Variants in CA6 observed in about 807,000 individuals in gnomAD.
The protein encoded by CA6 is carbonate dehydratase VI.
CA6 carries 28 observed loss-of-function variants against 35.9 expected under a neutral mutation model. The ratio of observed to expected loss-of-function variants is 0.78; its 90% CI spans 0.58 to 1.07. CA6 has a LOEUF of 1.07. CA6 is among the 50% of genes least tolerant of loss of function. The probability of loss-of-function intolerance (pLI) is 0.00; values close to 1 mark genes in which losing one functional copy is unlikely to be tolerated. For missense variants in CA6, 377 were observed against 382.0 expected, an observed-to-expected ratio of 0.99 and a Z score of 0.11; for synonymous variants, 148 against 152.6, an observed-to-expected ratio of 0.97 and a Z score of 0.22.
chr1:8,954,905 T>G (rs1281552790), intron 2 of CA6, among the ~76,000 whole-genome samples: 1 of 152,180 alleles, frequency 6.6e-6, no homozygotes, highest in Non-Finnish European at 1.5e-5. Flanking sequence ...TTAAATTAGA[T>G]TCAACATTTC....
chr1:8,959,713 C>T (rs982283824), intron 4 of CA6, among the ~76,000 whole-genome samples: 2 of 151,858 alleles, frequency 1.3e-5, no homozygotes, highest in African/African-American at 4.8e-5. Flanking sequence ...GGATGGATCA[C>T]TTGGGGTCAG....
chr1:8,956,644 G>A (rs1020233851), intron 2 of CA6, among the ~76,000 whole-genome samples: 1 of 152,120 alleles, frequency 6.6e-6, no homozygotes, highest in African/African-American at 2.4e-5. Context: ...CTGCACTCCA[G>A]CCTGAGCAAC....
intron 2 of CA6, among the ~76,000 whole-genome samples, chr1:8,955,916 T>C (rs1033160264): frequency 2.6e-5 from 4 of 152,244 alleles, no homozygotes; most frequent in East Asian, 1.9e-4. Flanking sequence ...ACAGCCACCA[T>C]TGATGACTTT....
chr1:8,947,210 C>A (rs1405026181), intron 1 of CA6, among the ~76,000 whole-genome samples: 2 of 152,114 alleles, frequency 1.3e-5, no homozygotes, highest in Non-Finnish European at 2.9e-5. Flanking sequence ...ACTTTGTGGA[C>A]ACTAAACAGC....
intron 1 of CA6, among the ~76,000 whole-genome samples, chr1:8,948,303 G>A (rs989355743): frequency 1.3e-5 from 2 of 152,106 alleles, no homozygotes; most frequent in African/African-American, 4.8e-5. Flanking sequence ...ATGTTACTCT[G>A]TCCCCTACGA....
chr1:8,967,551 T>C (rs2124184418), intron 5 of CA6, 108 bp from the exon 6 acceptor site: 1 of 814,198 alleles, frequency 1.2e-6, no homozygotes, highest in East Asian at 2.5e-5. Context: ...GCTTCTATGT[T>C]CTGCTGAACT....
chr1:8,973,710 C>CTCCT (rs1640168375), intron 7 of CA6, among the ~76,000 whole-genome samples: 2 of 106,428 alleles, frequency 1.9e-5, no homozygotes, highest in Admixed American at 2.1e-4. Flanking sequence ...TTCTTTCTCT[C>CTCCT]TCTTTCTTTC....
chr1:8,973,620 C>T (rs913052933), intron 7 of CA6, among the ~76,000 whole-genome samples: 38 of 152,214 alleles, frequency 2.5e-4, no homozygotes, highest in African/African-American at 7.9e-4. Context: ...CCAGGGAACC[C>T]GAATTGTGGC....
chr1:8,964,362 C>G (rs1405728668), intron 5 of CA6, among the ~76,000 whole-genome samples: 3 of 152,202 alleles, frequency 2.0e-5, no homozygotes, highest in Non-Finnish European at 2.9e-5. Context: ...ATTCCCCTGC[C>G]TCAGCCCCCT....
At chr1:8,962,832 G>T (rs969007593) in intron 5 of CA6, among the ~76,000 whole-genome samples, 176 bp downstream of exon 5, 32 of 152,208 alleles carry the variant, frequency 2.1e-4, no homozygotes, top group African/African-American at 7.0e-4. Context: ...TCTGCTGTTG[G>T]CTTAGGCAGC....
intron 2 of CA6, among the ~76,000 whole-genome samples, chr1:8,949,842 G>T (rs1357079988): frequency 6.6e-6 from 1 of 152,088 alleles, no homozygotes; most frequent in Non-Finnish European, 1.5e-5. Context: ...GCACCTGACA[G>T]GTAGGACCAG....
At chr1:8,957,542 T>C (rs994539729) in intron 3 of CA6, among the ~76,000 whole-genome samples, 1 of 152,094 alleles carries the variant, frequency 6.6e-6, no homozygotes, top group Non-Finnish European at 1.5e-5. Context: ...GATTTCACCA[T>C]TTTGGCCAGG....
intron 6 of CA6, among the ~76,000 whole-genome samples, chr1:8,968,886 G>A (rs1156898210): frequency 6.6e-6 from 1 of 151,716 alleles, no homozygotes; most frequent in Non-Finnish European, 1.5e-5. Context: ...TCGTGGTGGT[G>A]GGGCGCTTGT....
chr1:8,955,719 A>T (rs1033210777), intron 2 of CA6, among the ~76,000 whole-genome samples: 3 of 140,672 alleles, frequency 2.1e-5, no homozygotes, highest in Non-Finnish European at 3.1e-5. Context: ...AGCTCTAAAT[A>T]CAGAGCATTT....
In CA6 at chr1:8,958,996, C is replaced by T. The variant is rs1366948886; in HGVS notation, c.495C>T (p.Phe165=). 2 of 1,601,638 alleles carry T rather than the reference C, an allele frequency of 1.2e-6. No homozygotes were observed. The highest frequency in any genetic ancestry group is 1.7e-6 in the Non-Finnish European group (2 of 1,168,806). Residue 165 remains phenylalanine (F), a synonymous_variant, in exon 4 of 8, where the codon TTC becomes TTT. Coordinates refer to ENST00000377443, the MANE Select transcript of CA6 (RefSeq NM_001215.4). The part of the protein sequence containing the change: ...APDGLAVLAA[F]VEVKNYPENT... ...ATGGTTTGGCTGTACTGGCAGCCTT[C>T]GTTGAGGTAAGCAGAAACTACCCAT...
intron 2 of CA6, among the ~76,000 whole-genome samples, chr1:8,956,187 C>T (rs989077690): frequency 1.3e-5 from 2 of 152,058 alleles, no homozygotes; most frequent in Non-Finnish European, 2.9e-5. Flanking sequence ...CATGCCACTG[C>T]ACTCCAGCCT....
At chr1:8,970,611 C>A (rs957430567) in intron 6 of CA6, among the ~76,000 whole-genome samples, 1 of 151,990 alleles carries the variant, frequency 6.6e-6, no homozygotes, top group Admixed American at 6.6e-5. Context: ...CAGGTTCAAG[C>A]GATTCTCCTG....
chr1:8,971,055 C>T (rs775943143), intron 7 of CA6, 74 bp downstream of exon 7: 10 of 983,602 alleles, frequency 1.0e-5, no homozygotes, highest in Non-Finnish European at 1.5e-5. Flanking sequence ...GTGGACCCAT[C>T]TCTTCTGGTG....
chr1:8,958,988 G>A lies in CA6; in HGVS notation c.487G>A (p.Ala163Thr), dbSNP rs1639762875. 2 of 1,608,190 alleles carry A rather than the reference G, an allele frequency of 1.2e-6. No homozygotes were observed. The highest frequency in any genetic ancestry group is 8.5e-7 in the Non-Finnish European group (1 of 1,174,876). Reference protein sequence around the residue: ...QDAPDGLAVLAAFVEVKNYPE... With the variant: ...QDAPDGLAVLTAFVEVKNYPE... Reference sequence around the variant, plus strand: ...TGCGCCGGATGGTTTGGCTGTACTGGCAGCCTTCGTTGAGGTAAGCAGAAA... The same window carrying A: ...TGCGCCGGATGGTTTGGCTGTACTGACAGCCTTCGTTGAGGTAAGCAGAAA... Residue 163 changes from alanine to threonine, a missense_variant, in exon 4 of 8, where the codon GCA becomes ACA. By Grantham distance (58) the Ala-to-Thr change is moderately conservative. Transcript: ENST00000377443.
Sources: gnomAD v4.1 joint callset for allele counts (sites outside exome capture counted in the v4.1 genomes callset) on GRCh38, gnomAD v4.1.1 for gene constraint, MANE v1.5 for transcripts, NCBI Gene and HGNC (gene_info 2026-07-23, HGNC 2026-07-21) for gene names.